The following SCHIP1 variants were observed in gnomAD, a reference collection of about 807,000 sequenced individuals.
SCHIP1 encodes schwannomin interacting protein 1.
A neutral mutation model predicts 29.7 loss-of-function variants in SCHIP1; 8 were observed. That is an observed-to-expected ratio of 0.27 (90% CI 0.16 to 0.49). The LOEUF is 0.49. SCHIP1 is among the 20% of genes least tolerant of loss of function. The pLI is 0.99. For missense variants in SCHIP1, 193 were observed against 294.6 expected, an observed-to-expected ratio of 0.66 and a Z score of 2.52; for synonymous variants, 76 against 94.9, an observed-to-expected ratio of 0.80 and a Z score of 1.16.
chr3:159,503,599 T>C, the SCHIP1 span, among the ~76,000 whole-genome samples: 73 of 152,334 alleles, frequency 4.8e-4, no homozygotes, highest in African/African-American at 1.7e-3. Context: ...AGGCCACACC[T>C]TTCATATGCT....
chr3:159,713,270 AAGAAAGAAAG>A, the SCHIP1 span, among the ~76,000 whole-genome samples: 1 of 151,510 alleles, frequency 6.6e-6, no homozygotes, highest in East Asian at 1.9e-4. Context: ...GAAAGAAAGA[AAGAAAGAAAG>A]AAAGAAAAAA....
chr3:159,273,792 C>T, the SCHIP1 span: 4 of 1,612,150 alleles, frequency 2.5e-6, no homozygotes, highest in Non-Finnish European at 3.4e-6. Flanking sequence ...TCTTCCCTCT[C>T]AAATGGGCAA....
the SCHIP1 span, among the ~76,000 whole-genome samples, chr3:159,807,927 C>G: frequency 4.6e-4 from 70 of 152,250 alleles, 1 homozygote; most frequent in African/African-American, 1.6e-3. Context: ...GCAGTGTGCC[C>G]AAAGCATAGC....
At chr3:159,301,315 CCTAA>C in the SCHIP1 span, among the ~76,000 whole-genome samples, 2 of 152,160 alleles carry the variant, frequency 1.3e-5, no homozygotes, top group African/African-American at 2.4e-5. Flanking sequence ...AGACCATGCT[CCTAA>C]CTGTTACTCT....
chr3:159,694,103 A>G, the SCHIP1 span, among the ~76,000 whole-genome samples: 8,931 of 152,228 alleles, frequency 0.059, 549 homozygotes, highest in African/African-American at 0.15. Flanking sequence ...TTCTTACCAT[A>G]TCATGATCTA....
the SCHIP1 span, among the ~76,000 whole-genome samples, chr3:159,371,891 G>A: frequency 1.4e-3 from 220 of 152,242 alleles, no homozygotes; most frequent in African/African-American, 4.9e-3. Flanking sequence ...CTTGTGATTT[G>A]TTGAATTAAT....
the SCHIP1 span, among the ~76,000 whole-genome samples, chr3:159,311,111 G>A: frequency 6.6e-6 from 1 of 152,044 alleles, no homozygotes; most frequent in African/African-American, 2.4e-5. Flanking sequence ...CTCTGCAATT[G>A]TTTAAATGAA....
At chr3:159,433,166 G>GA in the SCHIP1 span, among the ~76,000 whole-genome samples, 1 of 152,164 alleles carries the variant, frequency 6.6e-6, no homozygotes, top group Non-Finnish European at 1.5e-5. Flanking sequence ...AGCAGAAGCT[G>GA]AAAAAGCATA....
At chr3:159,513,141 C>T in the SCHIP1 span, among the ~76,000 whole-genome samples, 91 of 152,230 alleles carry the variant, frequency 6.0e-4, no homozygotes, top group African/African-American at 2.1e-3. Flanking sequence ...TACTTACATA[C>T]ATAATTACAT....
the SCHIP1 span, among the ~76,000 whole-genome samples, chr3:159,397,167 TC>T: frequency 2.0e-5 from 3 of 151,768 alleles, no homozygotes; most frequent in African/African-American, 7.2e-5. Context: ...GGTTTTCAGC[TC>T]CATCAGCTCC....
chr3:159,695,154 G>T, the SCHIP1 span, among the ~76,000 whole-genome samples: 3 of 152,290 alleles, frequency 2.0e-5, no homozygotes, highest in East Asian at 5.8e-4. Context: ...TGTCACTAGA[G>T]ATCCTATGCT....
chr3:159,433,250 C>T, the SCHIP1 span, among the ~76,000 whole-genome samples: 526 of 152,252 alleles, frequency 3.5e-3, 4 homozygotes, highest in African/African-American at 0.012. Flanking sequence ...TAGTGGGAAG[C>T]GTCTTTAAAC....
the SCHIP1 span, among the ~76,000 whole-genome samples, chr3:159,611,949 T>A: frequency 6.6e-6 from 1 of 152,156 alleles, no homozygotes; most frequent in African/African-American, 2.4e-5. Flanking sequence ...TAAAATTCCA[T>A]ATAATTTTTC....
At chr3:159,492,856 G>A in the SCHIP1 span, among the ~76,000 whole-genome samples, 4 of 152,142 alleles carry the variant, frequency 2.6e-5, no homozygotes, top group Admixed American at 6.5e-5. Flanking sequence ...AGAGAGAAAG[G>A]TCGGGTTACC....
chr3:159,535,549 T>G, the SCHIP1 span, among the ~76,000 whole-genome samples: 2 of 152,216 alleles, frequency 1.3e-5, no homozygotes, highest in Admixed American at 1.3e-4. Flanking sequence ...TTCTCCCTGC[T>G]TAGTTCCTGC....
At chr3:159,884,347 GTC>G (rs1313084660) in intron 2 of SCHIP1, among the ~76,000 whole-genome samples, 5 of 123,840 alleles carry the variant, frequency 4.0e-5, no homozygotes, top group Non-Finnish European at 4.9e-5. Context: ...GTGTGTCTGT[GTC>G]TGTGTGTGTG....
the SCHIP1 span, among the ~76,000 whole-genome samples, chr3:159,324,515 A>G: frequency 2.3e-4 from 35 of 152,192 alleles, no homozygotes; most frequent in East Asian, 6.8e-3. Context: ...TTCTTTGTGA[A>G]ATATTTATTC....
chr3:159,328,292 G>A, the SCHIP1 span, among the ~76,000 whole-genome samples: 1 of 152,132 alleles, frequency 6.6e-6, no homozygotes, highest in Non-Finnish European at 1.5e-5. Flanking sequence ...CTAGAAGTAT[G>A]AGGATGACCA....
At chr3:159,404,336 A>T in the SCHIP1 span, among the ~76,000 whole-genome samples, 1 of 151,996 alleles carries the variant, frequency 6.6e-6, no homozygotes, top group Non-Finnish European at 1.5e-5. Context: ...GACTCTTGGG[A>T]TGTCTGATTT....
Sources: allele counts gnomAD v4.1 joint callset (sites outside exome capture counted in the v4.1 genomes callset), GRCh38; gene constraint gnomAD v4.1.1; transcripts MANE v1.5; gene names NCBI Gene and HGNC (gene_info 2026-07-23, HGNC 2026-07-21).